Variants in CANX observed in about 807,000 individuals in gnomAD.
The protein encoded by CANX is epididymis secretory sperm binding protein.
In CANX, 14 loss-of-function variants were observed where a neutral mutation model predicts 75.7. The observed-to-expected ratio is 0.19, with a 90% CI of 0.12 to 0.29. The LOEUF (loss-of-function observed/expected upper bound fraction) is 0.29. CANX is among the 10% of genes least tolerant of loss of function. The pLI, the probability that CANX is intolerant of heterozygous loss-of-function variation, is 1.00. For missense variants in CANX, 567 were observed against 713.2 expected, an observed-to-expected ratio of 0.79 and a Z score of 2.34; for synonymous variants, 227 against 236.9, an observed-to-expected ratio of 0.96 and a Z score of 0.38.
intron 8 of CANX, 79 bp from the exon 9 acceptor site, chr5:179,719,589 A>C: frequency 1.6e-6 from 1 of 644,262 alleles, no homozygotes. Flanking sequence ...ATTTTTTTAG[A>C]ATACTCTGTT....
At chr5:179,699,166 C>T (rs1199521394) in intron 1 of CANX, 64 bp downstream of exon 1, 1 of 952,978 alleles carries the variant, frequency 1.0e-6, no homozygotes, top group Non-Finnish European at 1.3e-6. Context: ...GGGAGCGCCT[C>T]TGCGGCTGAG....
At chr5:179,716,079 T>C (rs1444069783) in intron 7 of CANX, 26 bp from the exon 8 acceptor site, 1 of 1,517,090 alleles carries the variant, frequency 6.6e-7, no homozygotes, top group Admixed American at 1.7e-5. Flanking sequence ...TTAAGTACTT[T>C]TAATTCCATT....
intron 1 of CANX, among the ~76,000 whole-genome samples, chr5:179,701,736 CTTTTTTTTTTTTTTTT>C (rs558907168): frequency 2.3e-5 from 1 of 43,996 alleles, no homozygotes; most frequent in Non-Finnish European, 3.8e-5. Flanking sequence ...AACAGATGTA[CTTTTTTTTTTTTTTTT>C]TTTTTTTTTT....
intron 1 of CANX, among the ~76,000 whole-genome samples, chr5:179,704,606 C>T (rs1428521867): frequency 6.6e-6 from 1 of 151,440 alleles, no homozygotes; most frequent in Non-Finnish European, 1.5e-5. Context: ...GAGGCTGAGG[C>T]AGGTGGATCA....
At chr5:179,704,743 G>A (rs1319440554) in intron 1 of CANX, among the ~76,000 whole-genome samples, 1 of 152,108 alleles carries the variant, frequency 6.6e-6, no homozygotes, top group African/African-American at 2.4e-5. Context: ...GGCTGAGGTG[G>A]GAGAATTACT....
chr5:179,694,628 G>C, upstream of CANX: 1 of 912,998 alleles, frequency 1.1e-6, no homozygotes, highest in Non-Finnish European at 1.8e-6. Flanking sequence ...CGGCAAAGCT[G>C]AAGGAGAAGT....
At chr5:179,722,731 C>T in intron 10 of CANX, 73 bp from the exon 11 acceptor site, 2 of 1,004,392 alleles carry the variant, frequency 2.0e-6, no homozygotes, top group East Asian at 5.0e-5. Flanking sequence ...CAAAATTTCT[C>T]TTACGGTAGA....
At chr5:179,685,843 C>T (rs1245961310) in intron 1 of CANX, among the ~76,000 whole-genome samples, 2 of 151,926 alleles carry the variant, frequency 1.3e-5, no homozygotes. Flanking sequence ...GTGTGAGCCA[C>T]CACGCCCTGC....
chr5:179,712,686 A>G (rs1458345750), intron 7 of CANX, among the ~76,000 whole-genome samples: 1 of 151,110 alleles, frequency 6.6e-6, no homozygotes, highest in Non-Finnish European at 1.5e-5. Context: ...CAGCCTCCCA[A>G]ACTGCTGGGT....
chr5:179,722,625 G>C (rs1778384547), intron 10 of CANX, among the ~76,000 whole-genome samples, 179 bp from the exon 11 acceptor site: 1 of 152,166 alleles, frequency 6.6e-6, no homozygotes, highest in Non-Finnish European at 1.5e-5. Context: ...CAGTCTTAGA[G>C]GCAGAGTGCG....
At chr5:179,708,799 T>A (rs1429300240) in intron 5 of CANX, among the ~76,000 whole-genome samples, 179 bp from the exon 6 acceptor site, 1 of 152,244 alleles carries the variant, frequency 6.6e-6, no homozygotes, top group Non-Finnish European at 1.5e-5. Flanking sequence ...AATTTAATTT[T>A]ATTTATTTTT....
Position 179,730,456 on chromosome 5 carries a change from G to T in CANX, c.*1812G>T, listed in dbSNP as rs1778928107. 1 of 152,210 alleles carries T rather than the reference G, an allele frequency of 6.6e-6. No homozygotes were observed. Among genetic ancestry groups the T allele is most frequent in the Admixed American group, 6.5e-5 (1 of 15,278 alleles). 9.4% of individuals were successfully genotyped at this position (152,210 alleles called of 1,614,324 possible). A position where few individuals can be genotyped will look rare whatever the true frequency, so the allele number is the denominator to read the frequency against. ...AAACAGTTGTTACTTAGCAAGACCT[G>T]AAAATATGTCTGCAGGTTTCTCCTT... On this transcript the variant is annotated 3_prime_UTR_variant, in exon 15 of 15. Coordinates refer to ENST00000247461, the MANE Select transcript of CANX (RefSeq NM_001746.4).
chr5:179,687,932 G>A (rs1221448473), intron 1 of CANX, among the ~76,000 whole-genome samples: 1 of 151,910 alleles, frequency 6.6e-6, no homozygotes, highest in Non-Finnish European at 1.5e-5. Context: ...CTACTTGGGA[G>A]GCTGAAGCAG....
chr5:179,679,221 G>C (rs1323452715), intron 1 of CANX: 1 of 1,533,732 alleles, frequency 6.5e-7, no homozygotes, highest in East Asian at 2.4e-5. Flanking sequence ...TCTTGTCTCG[G>C]GAGCCCGGAT....
intron 7 of CANX, among the ~76,000 whole-genome samples, chr5:179,712,914 ATTTT>A (rs59991190): frequency 7.1e-6 from 1 of 141,518 alleles, no homozygotes; most frequent in African/African-American, 2.7e-5. Context: ...TATTATTATT[ATTTT>A]TTTTTTTTTC....
chr5:179,694,144 CA>C (rs55708497), upstream of CANX: 174 of 103,980 alleles, frequency 1.7e-3, no homozygotes, highest in East Asian at 5.9e-3. Flanking sequence ...AACTCCGTCT[CA>C]AAAAAAAAAA....
chr5:179,683,271 G>C (rs1002196521), intron 1 of CANX, among the ~76,000 whole-genome samples: 1 of 151,766 alleles, frequency 6.6e-6, no homozygotes, highest in Non-Finnish European at 1.5e-5. Flanking sequence ...GGGACTACAG[G>C]CACCCGCCAC....
At chr5:179,703,103 G>C (rs1219193080) in intron 1 of CANX, among the ~76,000 whole-genome samples, 1 of 152,056 alleles carries the variant, frequency 6.6e-6, no homozygotes, top group African/African-American at 2.4e-5. Flanking sequence ...AGTAGAGACA[G>C]GGTTTTGCCA....
intron 1 of CANX, among the ~76,000 whole-genome samples, chr5:179,688,798 T>C (rs1353425769): frequency 6.6e-6 from 1 of 151,632 alleles, no homozygotes; most frequent in East Asian, 2.0e-4. Flanking sequence ...CTGGCCAACA[T>C]GGTGAAACCC....
Sources: gnomAD v4.1 joint callset for allele counts (sites outside exome capture counted in the v4.1 genomes callset) on GRCh38, gnomAD v4.1.1 for gene constraint, MANE v1.5 for transcripts, NCBI Gene and HGNC (gene_info 2026-07-23, HGNC 2026-07-21) for gene names.